The following COL6A1 variants were observed in gnomAD, a reference collection of about 807,000 sequenced individuals.
COL6A1 encodes collagen alpha-1(VI) chain.
Under a neutral mutation model 145.6 loss-of-function variants are expected in COL6A1, and 80 were observed. The ratio of observed to expected loss-of-function variants is 0.55; its 90% CI spans 0.46 to 0.66. COL6A1 has a LOEUF of 0.66. Ranked by LOEUF, COL6A1 falls within the 30% of genes least tolerant of loss-of-function variation. COL6A1 has a pLI of 0.00. For synonymous variants in COL6A1, 638 were observed against 622.8 expected (o/e 1.02, Z -0.36); for missense variants, 1,364 against 1,473.8 (o/e 0.93, Z 1.22).
chr21:45,991,972 C>A (rs1428055210), intron 15 of COL6A1, 38 bp from the exon 16 acceptor site: 1 of 1,552,644 alleles, frequency 6.4e-7, no homozygotes, highest in African/African-American at 1.4e-5. Flanking sequence ...CTGGTGCACA[C>A]CCCTGCCAGC....
At chr21:45,982,314 C>CT (rs35135702) in intron 1 of COL6A1, among the ~76,000 whole-genome samples, 465 of 4,060 alleles carry the variant, frequency 0.11, 2 homozygotes, top group Admixed American at 0.15. Flanking sequence ...AGAAGTCGTG[C>CT]GCTGCTGGTT....
rs1350229670 is a variant in COL6A1, at chr21:46,004,433, T to C, written c.*420T>C. 1.2e-5 allele frequency: 4 copies of C among 327,698 alleles called. No individual in the cohort carries two copies. Among genetic ancestry groups the C allele is most frequent in the Non-Finnish European group, 2.4e-5 (4 of 168,204 alleles). The allele number at this position is 327,698 out of a possible 1,614,324, so 20.3% of individuals were successfully genotyped here. On this transcript the variant is annotated 3_prime_UTR_variant, in exon 35 of 35. Transcript: ENST00000361866. ...CTTCCCTAGGCACCTCTGTGCTGCA[T>C]CCCACCAGCCTGAGCAAGACGCCCT...
intron 26 of COL6A1, chr21:45,999,432 G>A (rs1004899477): frequency 1.1e-5 from 8 of 733,058 alleles, no homozygotes; most frequent in Non-Finnish European, 1.9e-5. Context: ...GACACAGCGG[G>A]TCCTCAGGGT....
At chr21:45,989,015 C>T in intron 8 of COL6A1, 69 bp from the exon 9 acceptor site, 1 of 1,575,072 alleles carries the variant, frequency 6.3e-7, no homozygotes, top group Non-Finnish European at 8.7e-7. Flanking sequence ...TTTTTAAAAA[C>T]CTGTTTCGTG....
rs1268366770 is a variant in COL6A1 at position 45,987,182 on chromosome 21, G to A, written c.738+7G>A. The A allele has an allele frequency of 5.0e-6, 8 of 1,594,712 alleles. No homozygotes were observed. In the South Asian group the frequency reaches 7.8e-5, roughly 16 times the overall value. On this transcript the variant is annotated splice_region_variant and intron_variant, in intron 6 of 34. Coordinates refer to ENST00000361866, the MANE Select transcript of COL6A1 (RefSeq NM_001848.3). ...AAATAACGTGGAGCAAGTGGTAAGA[G>A]CCCTCCCCACCACCCCCAGCCGTGA...
At chr21:45,983,701 G>A (rs945632126) in intron 2 of COL6A1, among the ~76,000 whole-genome samples, 4 of 152,110 alleles carry the variant, frequency 2.6e-5, no homozygotes, top group East Asian at 1.9e-4. Context: ...AGGGGCGGCC[G>A]CGTGGCCCAG....
intron 15 of COL6A1, 86 bp from the exon 16 acceptor site, chr21:45,991,924 G>A (rs1289871408): frequency 1.5e-6 from 2 of 1,338,846 alleles, no homozygotes; most frequent in Admixed American, 2.0e-5. Flanking sequence ...TGAAGTATGG[G>A]TGAGAGGCCC....
At chr21:45,990,854 T>C in intron 14 of COL6A1, 28 bp downstream of exon 14, 1 of 1,612,724 alleles carries the variant, frequency 6.2e-7, no homozygotes, top group Admixed American at 1.7e-5. Flanking sequence ...ACTGATACTT[T>C]AAAACTAGCG....
chr21:46,003,235 G>C, intron 34 of COL6A1, 86 bp downstream of exon 34: 2 of 1,609,050 alleles, frequency 1.2e-6, no homozygotes, highest in Non-Finnish European at 1.7e-6. Context: ...TCTGGGAGGA[G>C]GGCCTGGCGG....
At chr21:45,990,553 A>AGGACGGGGAG in intron 13 of COL6A1, 131 bp downstream of exon 13, 4 of 327,676 alleles carry the variant, frequency 1.2e-5, no homozygotes, top group Middle Eastern at 6.3e-4. Context: ...GACCAGGGGA[A>AGGACGGGGAG]GGACGGGGAG....
intron 33 of COL6A1, 66 bp from the exon 34 acceptor site, chr21:46,003,054 G>T (rs2077858029): frequency 1.9e-6 from 3 of 1,611,828 alleles, no homozygotes; most frequent in Non-Finnish European, 2.5e-6. Context: ...GAGGTCCTGT[G>T]ACATCTCCTT....
Position 45,997,624 on chromosome 21 carries a change from G to A in COL6A1, c.1462-76G>A, listed in dbSNP as rs534396447. 4.6e-5 allele frequency: 71 copies of A among 1,551,000 alleles called. No individual in the cohort carries two copies. In the East Asian group the frequency reaches 1.4e-3, roughly 31 times the overall value. ...CTGGCTCCCGATGGGACCTCTCCCGGCCCCAGGAGGGCCCTGCTTCCCTCC... is the reference window on the plus strand; with the variant it reads ...CTGGCTCCCGATGGGACCTCTCCCGACCCCAGGAGGGCCCTGCTTCCCTCC... On this transcript the variant is annotated intron_variant, in intron 21 of 34. Coordinates refer to ENST00000361866, the MANE Select transcript of COL6A1 (RefSeq NM_001848.3).
intron 11 of COL6A1, 149 bp downstream of exon 11, chr21:45,989,927 C>T: frequency 2.7e-6 from 3 of 1,130,020 alleles, no homozygotes; most frequent in Non-Finnish European, 3.9e-6. Context: ...TCCCCTCCAT[C>T]TGGAAGGACA....
rs201333021 is a variant in COL6A1 at position 45,997,510 on chromosome 21, G to A, written c.1461+27G>A. Reference sequence around the variant, plus strand: ...TGAGTCCCACTCCCCACCCACACCCGCCCACCCAGGGGGGCCTGAGGATCC... The same window carrying A: ...TGAGTCCCACTCCCCACCCACACCCACCCACCCAGGGGGGCCTGAGGATCC... On this transcript the variant is annotated intron_variant, in intron 21 of 34. Coordinates refer to ENST00000361866, the MANE Select transcript of COL6A1 (RefSeq NM_001848.3). The A allele has an allele frequency of 9.0e-4, 1,324 of 1,463,378 alleles. 1 individual carries two copies. The highest frequency in any genetic ancestry group is 1.1e-3 in the Non-Finnish European group (1,143 of 1,085,992). The allele number at this position is 1,463,378 out of a possible 1,614,324, so 90.6% of individuals were successfully genotyped here. A position where few individuals can be genotyped will look rare whatever the true frequency, so the allele number is the denominator to read the frequency against.
At position 45,994,121 on chromosome 21, in the gene COL6A1, C is replaced by G. The variant is rs781669908; in HGVS notation, c.1336-46C>G. On this transcript the variant is annotated intron_variant, in intron 19 of 34. Coordinates refer to ENST00000361866, the MANE Select transcript of COL6A1 (RefSeq NM_001848.3). The surrounding 1 kb of genome is among the most constrained non-coding windows in gnomAD (Gnocchi z 6.8). ...CCCAGCGTGCCCGGGCAGCCATCCT[C>G]CCCAAGGATGGCCCAGCTCCACACT... 1.9e-6 allele frequency: 3 copies of G among 1,558,552 alleles called. No homozygotes were observed. The highest frequency in any genetic ancestry group is 2.6e-6 in the Non-Finnish European group (3 of 1,147,546).
intron 6 of COL6A1, 22 bp downstream of exon 6, chr21:45,987,197 C>T (rs765803236): frequency 1.9e-6 from 3 of 1,591,356 alleles, no homozygotes; most frequent in South Asian, 1.1e-5. Context: ...CCCCACCACC[C>T]CCAGCCGTGA....
intron 3 of COL6A1, among the ~76,000 whole-genome samples, chr21:45,986,076 A>T (rs1246483804): frequency 6.6e-6 from 1 of 151,968 alleles, no homozygotes; most frequent in Admixed American, 6.6e-5. Flanking sequence ...GGGGGGTTGG[A>T]TTTGGGGCAT....
rs1350858509 is a variant in COL6A1, at chr21:45,999,951, G to A, written c.1776+259G>A. Among the ~76,000 whole-genome samples, 24 of 63,868 alleles carry A rather than the reference G, an allele frequency of 3.8e-4. 8 individuals are homozygous for A. The highest frequency in any genetic ancestry group is 1.4e-3 in the South Asian group (2 of 1,456). The allele number at this position is 63,868 out of a possible 152,430, so 41.9% of individuals were successfully genotyped here. ...TGAGGATCATGGGGGGGACGTGTGA[G>A]GATCATGGGAGGACGTGAGGATCAT... On this transcript the variant is annotated intron_variant, in intron 27 of 34. Coordinates refer to ENST00000361866, the MANE Select transcript of COL6A1 (RefSeq NM_001848.3).
intron 21 of COL6A1, 23 bp from the exon 22 acceptor site, chr21:45,997,674 CCCT>C: frequency 6.3e-7 from 1 of 1,575,684 alleles, no homozygotes; most frequent in Non-Finnish European, 8.6e-7. Flanking sequence ...AAGCCTGCTC[CCCT>C]CACGCCTCCT....
Sources: gnomAD v4.1 joint callset for allele counts (sites outside exome capture counted in the v4.1 genomes callset) on GRCh38, gnomAD v4.1.1 for gene constraint, Gnocchi (gnomAD v3.1) non-coding constraint, MANE v1.5 for transcripts, NCBI Gene and HGNC (gene_info 2026-07-23, HGNC 2026-07-21) for gene names.